The following COPS3 variants were observed in gnomAD, a reference collection of about 807,000 sequenced individuals.
The protein encoded by COPS3 is COP9 signalosome subunit 3, also known as COP9 signalosome complex subunit 3.
A neutral mutation model predicts 58.2 loss-of-function variants in COPS3; 10 were observed. That is an observed-to-expected ratio of 0.17 (90% CI 0.11 to 0.29). The LOEUF (loss-of-function observed/expected upper bound fraction) is 0.29, where lower values mean the gene tolerates loss of function less well. Among genes scored for constraint, COPS3 ranks in the 10% least tolerant of loss-of-function variants. COPS3 has a pLI of 1.00. For synonymous variants in COPS3, 187 were observed against 181.7 expected, an observed-to-expected ratio of 1.03 and a Z score of -0.24; for missense variants, 333 against 510.1, an observed-to-expected ratio of 0.65 and a Z score of 3.34.
At chr17:17,275,439 G>A (rs556870758) in intron 2 of COPS3, among the ~76,000 whole-genome samples, 51 of 152,234 alleles carry the variant, frequency 3.4e-4, no homozygotes, top group African/African-American at 1.0e-3. Flanking sequence ...ACCCAGGCTA[G>A]AGTACAGTGG....
At chr17:17,273,835 G>C (rs1202627637) in intron 2 of COPS3, among the ~76,000 whole-genome samples, 1 of 152,156 alleles carries the variant, frequency 6.6e-6, no homozygotes, top group Non-Finnish European at 1.5e-5. Flanking sequence ...CTGGGTGACA[G>C]AACAAGACCT....
chr17:17,269,412 G>A (rs777266172), intron 4 of COPS3, among the ~76,000 whole-genome samples: 9 of 152,008 alleles, frequency 5.9e-5, no homozygotes, highest in Non-Finnish European at 1.0e-4. Flanking sequence ...GTGACAGAGC[G>A]AGACTCTGTC....
At chr17:17,257,516 G>A (rs539152851) in intron 8 of COPS3, among the ~76,000 whole-genome samples, 6 of 151,994 alleles carry the variant, frequency 3.9e-5, no homozygotes, top group Non-Finnish European at 5.9e-5. Context: ...ACATCTACTA[G>A]GCCGGGCGTG....
intron 8 of COPS3, among the ~76,000 whole-genome samples, chr17:17,255,934 C>T (rs1026874812): frequency 2.0e-5 from 3 of 151,150 alleles, no homozygotes. Flanking sequence ...CTTTGGGAGG[C>T]CCAGGCGAGT....
Position 17,254,922 on chromosome 17 carries a change from T to C in COPS3, c.960A>G (p.Gln320=), listed in dbSNP as rs1455357194. The change falls in exon 9 of 12, where the codon CAA becomes CAG. Residue 320 remains glutamine, a synonymous_variant. Coordinates refer to ENST00000268717, the MANE Select transcript of COPS3 (RefSeq NM_003653.4). ...ACAACTGCACACGACTTGCCATATC[T>C]TGTAATGATAGAGTTAAAAAGGTCT... ...LTKTFLTLSL[Q]DMASRVQLSG... The C allele has an allele frequency of 6.2e-7, 1 of 1,613,246 alleles. No individual in the cohort carries two copies. The highest frequency in any genetic ancestry group is 8.5e-7 in the Non-Finnish European group (1 of 1,179,404).
intron 2 of COPS3, among the ~76,000 whole-genome samples, chr17:17,271,807 C>T (rs1172774611): frequency 7.1e-6 from 1 of 139,932 alleles, no homozygotes; most frequent in Non-Finnish European, 1.5e-5. Context: ...GCAACAAGAG[C>T]GAGACTGTCT....
At chr17:17,249,416 G>A (rs770226064) in intron 9 of COPS3, among the ~76,000 whole-genome samples, 6 of 151,366 alleles carry the variant, frequency 4.0e-5, no homozygotes, top group Non-Finnish European at 7.4e-5. Flanking sequence ...CTCTACCTCC[G>A]GGGTTCAAGC....
intron 2 of COPS3, among the ~76,000 whole-genome samples, chr17:17,275,345 C>T (rs921570823): frequency 3.3e-5 from 5 of 152,024 alleles, no homozygotes; most frequent in Non-Finnish European, 7.4e-5. Flanking sequence ...CCTCTGCCTC[C>T]CAAAATGTTG....
chr17:17,272,482 T>C (rs1010190540), intron 2 of COPS3, among the ~76,000 whole-genome samples: 1 of 152,138 alleles, frequency 6.6e-6, no homozygotes, highest in Non-Finnish European at 1.5e-5. Flanking sequence ...AAAATGGCCA[T>C]CTCAATTGTG....
At chr17:17,279,125 C>G (rs758587470) in intron 1 of COPS3, among the ~76,000 whole-genome samples, 1 of 152,116 alleles carries the variant, frequency 6.6e-6, no homozygotes, top group Non-Finnish European at 1.5e-5. Context: ...CCGCCCGCCT[C>G]GGCCTCCCAA....
At chr17:17,257,796 C>CAAAAAA (rs1387883200) in intron 8 of COPS3, among the ~76,000 whole-genome samples, 1 of 60,120 alleles carries the variant, frequency 1.7e-5, no homozygotes, top group Admixed American at 1.8e-4. Flanking sequence ...GACTCCGTCT[C>CAAAAAA]AAAAAAAAAA....
chr17:17,268,110 T>A, intron 4 of COPS3, 133 bp from the exon 5 acceptor site: 1 of 1,248,342 alleles, frequency 8.0e-7, no homozygotes, highest in Non-Finnish European at 1.0e-6. Context: ...GTTTCCATAC[T>A]CTTTCAGGAA....
chr17:17,275,920 T>C (rs769229288), intron 2 of COPS3, 115 bp downstream of exon 2: 9 of 1,006,152 alleles, frequency 8.9e-6, no homozygotes, highest in Non-Finnish European at 1.1e-5. Flanking sequence ...CCAGCCTGGG[T>C]GACAGAGCGA....
At chr17:17,270,037 T>A (rs368134646) in intron 4 of COPS3, among the ~76,000 whole-genome samples, 4 of 151,364 alleles carry the variant, frequency 2.6e-5, no homozygotes, top group East Asian at 3.9e-4. Flanking sequence ...GCACCTGTAG[T>A]CCCCAGCTAC....
chr17:17,263,326 G>T (rs997698428), intron 6 of COPS3, among the ~76,000 whole-genome samples: 1 of 150,752 alleles, frequency 6.6e-6, no homozygotes, highest in East Asian at 2.0e-4. Context: ...TCAGTCTCCT[G>T]AGTAGCTGGG....
chr17:17,260,646 A>G (rs2048073385), intron 7 of COPS3, 172 bp from the exon 8 acceptor site: 2 of 539,156 alleles, frequency 3.7e-6, no homozygotes, highest in East Asian at 3.2e-5. Context: ...TCTACTAAAA[A>G]TACAAAATTA....
chr17:17,275,713 G>C (rs995260401), intron 2 of COPS3, among the ~76,000 whole-genome samples: 3 of 152,160 alleles, frequency 2.0e-5, no homozygotes, highest in Non-Finnish European at 2.9e-5. Flanking sequence ...GGAGGCCAAG[G>C]TGGGCGGACC....
intron 5 of COPS3, among the ~76,000 whole-genome samples, chr17:17,265,995 T>C (rs1343244682): frequency 6.6e-6 from 1 of 152,226 alleles, no homozygotes; most frequent in African/African-American, 2.4e-5. Flanking sequence ...GGAGACGCAG[T>C]GTAGACATGC....
intron 9 of COPS3, among the ~76,000 whole-genome samples, chr17:17,251,129 G>C (rs950648896): frequency 2.0e-5 from 3 of 151,960 alleles, no homozygotes; most frequent in Non-Finnish European, 4.4e-5. Flanking sequence ...CGAGTAGCTG[G>C]GACTACAGGC....
Sources: gnomAD v4.1 joint callset for allele counts (sites outside exome capture counted in the v4.1 genomes callset) on GRCh38, gnomAD v4.1.1 for gene constraint, MANE v1.5 for transcripts, NCBI Gene and HGNC (gene_info 2026-07-23, HGNC 2026-07-21) for gene names.